The following ELK3 variants were observed in gnomAD, a reference collection of about 807,000 sequenced individuals.
ELK3 encodes the protein ETS transcription factor ELK3.
In ELK3, 10 loss-of-function variants were observed where a neutral mutation model predicts 28.9. The ratio of observed to expected loss-of-function variants is 0.35; its 90% CI spans 0.21 to 0.59. The LOEUF is 0.59. ELK3 is among the 20% of genes least tolerant of loss of function. The probability of loss-of-function intolerance (pLI) is 0.82; values close to 1 mark genes in which losing one functional copy is unlikely to be tolerated. For synonymous variants in ELK3, 272 were observed against 243.5 expected (o/e 1.12, Z -1.09); for missense variants, 463 against 517.3 (o/e 0.90, Z 1.02).
rs986150104 is a variant in ELK3 at position 96,269,297 on chromosome 12, A to T, written c.*2117A>T. 6.6e-6 allele frequency: 1 copy of T among 152,258 alleles called. No homozygotes were observed. The highest frequency in any genetic ancestry group is 1.5e-5 in the Non-Finnish European group (1 of 68,042). The allele number at this position is 152,258 out of a possible 1,614,324, so 9.4% of individuals were successfully genotyped here. The stretch of plus-strand genomic sequence containing the variant: ...AACACATCCAAAATGCATGATTCTT[A>T]CAAACTAAAGGAAGTTAATGTGCAA... On this transcript the variant is annotated 3_prime_UTR_variant, in exon 5 of 5. Coordinates refer to ENST00000228741, the MANE Select transcript of ELK3 (RefSeq NM_005230.4).
At chr12:96,208,850 C>T (rs763574210) in intron 1 of ELK3, among the ~76,000 whole-genome samples, 4 of 152,294 alleles carry the variant, frequency 2.6e-5, no homozygotes, top group African/African-American at 7.2e-5. Flanking sequence ...TTGGAGGTCC[C>T]GGGCCAGGTG....
In ELK3 at chr12:96,236,741, A is replaced by C. The variant is rs116084994; in HGVS notation, c.208-10199A>C. On this transcript the variant is annotated intron_variant, in intron 2 of 4. Coordinates refer to ENST00000228741, the MANE Select transcript of ELK3 (RefSeq NM_005230.4). ...GCCTCCTCTGCCTCGCTGAACAGAGACAATTTTAAGAAAGGGGTGTATTAG... is the reference window on the plus strand; with the variant it reads ...GCCTCCTCTGCCTCGCTGAACAGAGCCAATTTTAAGAAAGGGGTGTATTAG... Among the ~76,000 whole-genome samples the C allele has an allele frequency of 1.8e-3, 269 of 152,290 alleles. 1 individual carries two copies. Among genetic ancestry groups the C allele is most frequent in the African/African-American group, 5.9e-3 (247 of 41,576 alleles).
intron 4 of ELK3, 40 bp from the exon 5 acceptor site, chr12:96,267,042 A>C: frequency 6.4e-7 from 1 of 1,554,466 alleles, no homozygotes; most frequent in Non-Finnish European, 8.8e-7. Flanking sequence ...TTCCCAATGG[A>C]TTTGCAATAA....
At chr12:96,200,355 G>A (rs1009561644) in intron 1 of ELK3, among the ~76,000 whole-genome samples, 1 of 152,094 alleles carries the variant, frequency 6.6e-6, no homozygotes, top group African/African-American at 2.4e-5. Flanking sequence ...TAAAGAAAAC[G>A]AGGCTCTTGG....
chr12:96,267,309 G>T lies in ELK3; in HGVS notation c.*129G>T. On this transcript the variant is annotated 3_prime_UTR_variant, in exon 5 of 5. Transcript: ENST00000228741. ...ATTTGGTTTGCACTTTTCATAACAT[G>T]GATAGTCTAGATTTATGTTAGCATT... The T allele has an allele frequency of 1.5e-6, 1 of 681,868 alleles. No homozygotes were observed. Among genetic ancestry groups the T allele is most frequent in the Non-Finnish European group, 2.4e-6 (1 of 417,502 alleles). 42.2% of individuals were successfully genotyped at this position (681,868 alleles called of 1,614,324 possible).
At chr12:96,258,846 C>G (rs1312404584) in intron 3 of ELK3, among the ~76,000 whole-genome samples, 1 of 152,182 alleles carries the variant, frequency 6.6e-6, no homozygotes, top group Non-Finnish European at 1.5e-5. Context: ...CCTGCCCCCA[C>G]CCAAACCATT....
At chr12:96,219,127 A>T (rs1393527649) in intron 1 of ELK3, among the ~76,000 whole-genome samples, 4 of 152,218 alleles carry the variant, frequency 2.6e-5, no homozygotes, top group Non-Finnish European at 4.4e-5. Context: ...ATCAAACATA[A>T]ATCTCAAGTA....
At chr12:96,229,819 C>T (rs919680434) in intron 2 of ELK3, among the ~76,000 whole-genome samples, 52 of 152,172 alleles carry the variant, frequency 3.4e-4, no homozygotes, top group African/African-American at 9.9e-4. Context: ...TGTGAGCCAC[C>T]GTGCCTGGCC....
intron 3 of ELK3, among the ~76,000 whole-genome samples, chr12:96,249,802 C>T (rs113097827): frequency 9.2e-4 from 52 of 56,540 alleles, no homozygotes; most frequent in African/African-American, 2.6e-3. Context: ...GGGCTGAGGG[C>T]GTGAGAGAAG....
chr12:96,250,136 G>A (rs1001065803), intron 3 of ELK3, among the ~76,000 whole-genome samples: 23 of 152,338 alleles, frequency 1.5e-4, no homozygotes, highest in African/African-American at 5.5e-4. Context: ...GCACCAGGCA[G>A]TCCTCTAAAC....
intron 3 of ELK3, among the ~76,000 whole-genome samples, chr12:96,259,075 C>T (rs1951973220): frequency 6.6e-6 from 1 of 152,062 alleles, no homozygotes; most frequent in Non-Finnish European, 1.5e-5. Flanking sequence ...AATTAAAGCC[C>T]CTTTATGGGA....
At chr12:96,205,283 C>A (rs746113283) in intron 1 of ELK3, among the ~76,000 whole-genome samples, 3 of 152,140 alleles carry the variant, frequency 2.0e-5, no homozygotes, top group Non-Finnish European at 4.4e-5. Context: ...AGAGAGGGGA[C>A]CAAACCATTT....
At chr12:96,207,335 G>C (rs1439694019) in intron 1 of ELK3, among the ~76,000 whole-genome samples, 1 of 152,242 alleles carries the variant, frequency 6.6e-6, no homozygotes, top group African/African-American at 2.4e-5. Flanking sequence ...ACATAGGCAT[G>C]TGGGGAGGGT....
Position 96,234,522 on chromosome 12 carries a change from C to T in ELK3, c.207+10749C>T, listed in dbSNP as rs554734108. 5.9e-5 allele frequency among the ~76,000 whole-genome samples: 9 copies of T among 152,318 alleles called. No individual in the cohort carries two copies. In the East Asian group the frequency reaches 1.7e-3, roughly 29 times the overall value. ...CCGTCCACCCACGCCTCAGCTGCTCCTCTGCACGGCCTCTCCCCCACCCCT... is the reference window on the plus strand; with the variant it reads ...CCGTCCACCCACGCCTCAGCTGCTCTTCTGCACGGCCTCTCCCCCACCCCT... On this transcript the variant is annotated intron_variant, in intron 2 of 4. Transcript: ENST00000228741.
chr12:96,217,774 A>G (rs904856275), intron 1 of ELK3, among the ~76,000 whole-genome samples: 1 of 151,730 alleles, frequency 6.6e-6, no homozygotes, highest in Non-Finnish European at 1.5e-5. Flanking sequence ...TGTCTCCACT[A>G]AAAATACAAA....
chr12:96,269,268 A>C lies in ELK3; in HGVS notation c.*2088A>C, dbSNP rs1468695287. ...GCATTTAAAACTGTGTTGTCAGATA[A>C]GAGAACACATCCAAAATGCATGATT... On this transcript the variant is annotated 3_prime_UTR_variant, in exon 5 of 5. Coordinates refer to ENST00000228741, the MANE Select transcript of ELK3 (RefSeq NM_005230.4). The C allele has an allele frequency of 6.6e-6, 1 of 152,204 alleles. No individual in the cohort carries two copies. The highest frequency in any genetic ancestry group is 2.4e-5 in the African/African-American group (1 of 41,466). The allele number at this position is 152,204 out of a possible 1,614,324, so 9.4% of individuals were successfully genotyped here.
intron 3 of ELK3, among the ~76,000 whole-genome samples, chr12:96,257,700 G>C (rs1452625110): frequency 6.6e-6 from 1 of 152,214 alleles, no homozygotes; most frequent in Non-Finnish European, 1.5e-5. Flanking sequence ...CCTTGCTCCA[G>C]AGTAACATGC....
At chr12:96,210,707 C>A (rs1430968485) in intron 1 of ELK3, among the ~76,000 whole-genome samples, 4 of 152,186 alleles carry the variant, frequency 2.6e-5, no homozygotes, top group African/African-American at 7.2e-5. Context: ...AACCTTGAAC[C>A]TATTTAAACC....
At chr12:96,243,297 C>T (rs1951833896) in intron 2 of ELK3, among the ~76,000 whole-genome samples, 1 of 152,210 alleles carries the variant, frequency 6.6e-6, no homozygotes, top group African/African-American at 2.4e-5. Flanking sequence ...TTCCACCCCT[C>T]TCAGCCCTAG....
Sources: allele counts gnomAD v4.1 joint callset (sites outside exome capture counted in the v4.1 genomes callset), GRCh38; gene constraint gnomAD v4.1.1; transcripts MANE v1.5; gene names NCBI Gene and HGNC (gene_info 2026-07-23, HGNC 2026-07-21).